Variants in ADGRG4 observed in about 807,000 individuals in gnomAD.
The protein encoded by ADGRG4 is adhesion G protein-coupled receptor G4.
ADGRG4 carries 122 observed loss-of-function variants against 126.2 expected under a neutral mutation model. The ratio of observed to expected loss-of-function variants is 0.97; its 90% CI spans 0.83 to 1.12. The LOEUF is 1.12. Ranked by LOEUF, ADGRG4 falls within the 50% of genes most tolerant of loss-of-function variation. ADGRG4 has a pLI of 0.00. For synonymous variants in ADGRG4, 943 were observed against 838.7 expected (o/e 1.12, Z -2.15); for missense variants, 2,481 against 2,251.8 (o/e 1.10, Z -2.06).
Position 136,395,459 on chromosome X carries a change from A to G in ADGRG4, c.8150A>G (p.Gln2717Arg). 1 of 1,192,510 alleles carries G rather than the reference A, an allele frequency of 8.4e-7. No individual in the cohort carries two copies. Among genetic ancestry groups the G allele is most frequent in the South Asian group, 1.8e-5 (1 of 55,840 alleles). The change falls in exon 19 of 26, where the codon CAG (glutamine) becomes CGG (arginine). Residue 2717 changes from glutamine to arginine, a missense_variant. Physicochemically the swap from Gln to Arg is conservative, Grantham distance 43 (BLOSUM62 1). Coordinates refer to ENST00000394143, the MANE Select transcript of ADGRG4 (RefSeq NM_153834.4). ...ACAAATGTAAATTACACAATCTGTC[A>G]GTGTGACCACCTCACCCATTTTGGA... ...KETNVNYTIC[Q>R]CDHLTHFGVL...
chrX:136,378,667 C>T (rs888102990), intron 15 of ADGRG4, among the ~76,000 whole-genome samples: 1 of 111,148 alleles, frequency 9.0e-6, no homozygotes, highest in African/African-American at 3.3e-5. Flanking sequence ...GAGGTAGTTA[C>T]CTTCTATTCT....
chrX:136,380,530 G>GCCT (rs200185658), intron 15 of ADGRG4, among the ~76,000 whole-genome samples: 33,529 of 103,501 alleles, frequency 0.32, 4,589 homozygotes, highest in Non-Finnish European at 0.38. Context: ...TGCTGCTGCT[G>GCCT]CCTCCTCCTC....
In ADGRG4 at chrX:136,399,907, T is replaced by G. The variant is rs1335829912; in HGVS notation, c.8366T>G (p.Met2789Arg). Residue 2789 changes from methionine (M) to arginine (R), a missense_variant, in exon 21 of 26, where the codon ATG (methionine) becomes AGG (arginine). By Grantham distance (91) the Met-to-Arg change is moderately conservative (BLOSUM62 -1). Coordinates refer to ENST00000394143, the MANE Select transcript of ADGRG4 (RefSeq NM_153834.4). ...ATCAACCTGTGCACAGCACTACTGA[T>G]GCTAAACCTGGTATTTTTGATCAAT... ...ILINLCTALLMLNLVFLINSW... is the reference protein window; with the variant it reads ...ILINLCTALLRLNLVFLINSW... The G allele has an allele frequency of 5.8e-6, 7 of 1,209,371 alleles. No homozygotes were observed. The highest frequency in any genetic ancestry group is 4.3e-5 in the Admixed American group (2 of 46,023).
intron 15 of ADGRG4, among the ~76,000 whole-genome samples, chrX:136,375,804 A>G (rs1049124090): frequency 7.2e-5 from 8 of 111,884 alleles, no homozygotes; most frequent in African/African-American, 2.6e-4. Context: ...TTGGATGCAT[A>G]GTTTGCAAAT....
At chrX:136,307,809 G>A (rs943212390) in intron 3 of ADGRG4, among the ~76,000 whole-genome samples, 1 of 112,631 alleles carries the variant, frequency 8.9e-6, no homozygotes, top group African/African-American at 3.2e-5. Context: ...ACATGTTTCA[G>A]TAGGATTTGC....
At chrX:136,379,778 A>G (rs185739624) in intron 15 of ADGRG4, among the ~76,000 whole-genome samples, 109 of 110,466 alleles carry the variant, frequency 9.9e-4, no homozygotes, top group African/African-American at 3.5e-3. Context: ...ACAAGTCCCC[A>G]TTCGTCCCTT....
chrX:136,336,857 T>C (rs1283865891), intron 5 of ADGRG4, among the ~76,000 whole-genome samples: 6 of 111,983 alleles, frequency 5.4e-5, no homozygotes, highest in Non-Finnish European at 9.4e-5. Context: ...TGGTTGGACT[T>C]GGTATTACAA....
chrX:136,364,693 G>A (rs1365621893), intron 13 of ADGRG4, among the ~76,000 whole-genome samples: 1 of 111,831 alleles, frequency 8.9e-6, no homozygotes, highest in Admixed American at 9.5e-5. Context: ...AGTTGGTATT[G>A]TCTAAGCAGC....
chrX:136,398,358 T>C (rs1412876946), intron 20 of ADGRG4, among the ~76,000 whole-genome samples: 3 of 111,869 alleles, frequency 2.7e-5, no homozygotes, highest in Non-Finnish European at 3.8e-5. Flanking sequence ...ACAATGCATA[T>C]ATCAGATAAA....
chrX:136,393,505 G>C, intron 17 of ADGRG4, 30 bp from the exon 18 acceptor site: 2 of 1,161,620 alleles, frequency 1.7e-6, no homozygotes, highest in Admixed American at 2.2e-5. Flanking sequence ...CACAAGGCAA[G>C]ATGTTTACCT....
At chrX:136,402,743 C>T (rs918228762) in intron 21 of ADGRG4, among the ~76,000 whole-genome samples, 6 of 111,066 alleles carry the variant, frequency 5.4e-5, no homozygotes, top group Admixed American at 9.6e-5. Context: ...GTTAACCGGT[C>T]GATCTAGTCA....
intron 14 of ADGRG4, among the ~76,000 whole-genome samples, chrX:136,371,917 C>T (rs1436278953): frequency 3.6e-5 from 4 of 111,454 alleles, no homozygotes; most frequent in Non-Finnish European, 5.7e-5. Flanking sequence ...AGGATACGAA[C>T]GGACGACTGT....
intron 6 of ADGRG4, among the ~76,000 whole-genome samples, chrX:136,351,109 T>A (rs749509319): frequency 9.0e-6 from 1 of 111,510 alleles, no homozygotes; most frequent in Non-Finnish European, 1.9e-5. Context: ...TCAGAGAAAA[T>A]GATCTTCTGA....
intron 22 of ADGRG4, among the ~76,000 whole-genome samples, chrX:136,405,394 T>C (rs2075400135): frequency 1.8e-5 from 2 of 111,443 alleles, no homozygotes; most frequent in Non-Finnish European, 3.8e-5. Context: ...GTTTTTCTGC[T>C]GTTAACGAAG....
chrX:136,388,211 C>T (rs1204114584), intron 16 of ADGRG4, among the ~76,000 whole-genome samples: 1 of 111,982 alleles, frequency 8.9e-6, no homozygotes, highest in Non-Finnish European at 1.9e-5. Context: ...TCCCAAATCT[C>T]CCCTGGCTCC....
intron 5 of ADGRG4, among the ~76,000 whole-genome samples, chrX:136,337,434 TA>T (rs1217637727): frequency 8.9e-6 from 1 of 112,442 alleles, no homozygotes; most frequent in Non-Finnish European, 1.9e-5. Flanking sequence ...CAAGATTCTT[TA>T]AAAAAATTAT....
At chrX:136,411,544 ATAGT>A (rs1451811352) in intron 23 of ADGRG4, among the ~76,000 whole-genome samples, 1 of 112,866 alleles carries the variant, frequency 8.9e-6, no homozygotes, top group Non-Finnish European at 1.9e-5. Flanking sequence ...AGCATGTGTA[ATAGT>A]TATTTATTGC....
At chrX:136,402,622 T>G (rs1350512702) in intron 21 of ADGRG4, among the ~76,000 whole-genome samples, 1 of 112,022 alleles carries the variant, frequency 8.9e-6, no homozygotes, top group African/African-American at 3.3e-5. Context: ...TTTTTTTTTT[T>G]GCAAATGTAC....
rs1377483352 is a variant in ADGRG4 at position 136,349,608 on chromosome X, T to C, written c.5902T>C (p.Leu1968=). The part of the protein sequence containing the change: ...STSLRAITST[L]ADVKHTFEKM... ...ATCTTTAAGAGCTATCACTTCCACA[T>C]TGGCTGACGTTAAGCACACATTTGA... Residue 1968 remains leucine (L), a synonymous_variant, in exon 6 of 26, where the codon TTG becomes CTG. Transcript: ENST00000394143. The C allele has an allele frequency of 2.5e-6, 3 of 1,207,007 alleles. No individual in the cohort carries two copies. The highest frequency in any genetic ancestry group is 4.4e-5 in the Admixed American group (2 of 45,600).
Sources: gnomAD v4.1 joint callset for allele counts (sites outside exome capture counted in the v4.1 genomes callset) on GRCh38, gnomAD v4.1.1 for gene constraint, MANE v1.5 for transcripts, NCBI Gene and HGNC (gene_info 2026-07-23, HGNC 2026-07-21) for gene names.